The following DRD3 variants were observed in gnomAD, a reference collection of about 807,000 sequenced individuals.
DRD3 encodes the protein dopamine receptor D3, also known as D(3) dopamine receptor.
DRD3 carries 19 observed loss-of-function variants against 36.3 expected under a neutral mutation model. The observed-to-expected ratio is 0.52, with a 90% CI of 0.36 to 0.77. The LOEUF (loss-of-function observed/expected upper bound fraction) is 0.77. Among genes scored for constraint, DRD3 ranks in the 30% least tolerant of loss-of-function variants. The probability of loss-of-function intolerance (pLI) is 0.00; values close to 1 mark genes in which losing one functional copy is unlikely to be tolerated. For synonymous variants in DRD3, 195 were observed against 203.7 expected (o/e 0.96, Z 0.36); for missense variants, 465 against 505.3 (o/e 0.92, Z 0.77).
intron 3 of DRD3, among the ~76,000 whole-genome samples, chr3:114,150,265 G>A (rs1208679629): frequency 1.3e-5 from 2 of 152,152 alleles, no homozygotes; most frequent in African/African-American, 2.4e-5. Context: ...TCCTCCCTGG[G>A]CAACTCAATC....
chr3:114,139,823 A>G lies in DRD3; in HGVS notation c.527-127T>C. The G allele has an allele frequency of 8.8e-6, 7 of 793,884 alleles. No individual in the cohort carries two copies. In the South Asian group the frequency reaches 9.2e-5, roughly 10 times the overall value. The allele number at this position is 793,884 out of a possible 1,614,324, so 49.2% of individuals were successfully genotyped here. On this transcript the variant is annotated intron_variant, in intron 4 of 6. Transcript: ENST00000383673. The stretch of plus-strand genomic sequence containing the variant: ...GCTGCACAGGGGGTGGGAAGGATGC[A>G]GTCTCAGATACGTATACTGTCAGGT...
intron 1 of DRD3, among the ~76,000 whole-genome samples, chr3:114,198,737 A>G (rs2078049853): frequency 6.6e-6 from 1 of 152,130 alleles, no homozygotes; most frequent in South Asian, 2.1e-4. Flanking sequence ...AAACATATAA[A>G]TATGTTTTTG....
intron 1 of DRD3, among the ~76,000 whole-genome samples, chr3:114,191,628 G>GC (rs2078011117): frequency 6.6e-6 from 1 of 152,214 alleles, no homozygotes; most frequent in Non-Finnish European, 1.5e-5. Flanking sequence ...TACAGCAGGA[G>GC]CAAGCCAGGG....
chr3:114,131,511 G>T (rs1199544418), intron 5 of DRD3, 111 bp from the exon 6 acceptor site: 2 of 1,397,286 alleles, frequency 1.4e-6, no homozygotes, highest in Non-Finnish European at 1.9e-6. Context: ...ACACAGTTGT[G>T]GGAAACCTAC....
At chr3:114,140,811 C>A (rs1183951014) in intron 4 of DRD3, among the ~76,000 whole-genome samples, 1 of 152,216 alleles carries the variant, frequency 6.6e-6, no homozygotes, top group African/African-American at 2.4e-5. Flanking sequence ...CCCGGCCAGT[C>A]TTCATAAAGG....
chr3:114,176,533 A>C (rs1346122902), intron 1 of DRD3, among the ~76,000 whole-genome samples: 1 of 152,126 alleles, frequency 6.6e-6, no homozygotes, highest in Non-Finnish European at 1.5e-5. Flanking sequence ...TGAGTCCAGG[A>C]GTTAGAGGCT....
intron 1 of DRD3, among the ~76,000 whole-genome samples, chr3:114,197,736 G>A (rs1001938218): frequency 1.2e-4 from 19 of 152,102 alleles, no homozygotes; most frequent in Admixed American, 3.9e-4. Flanking sequence ...CAACTTCATC[G>A]AAAATGAGTG....
At chr3:114,194,920 AGTC>A (rs2078029427) in intron 1 of DRD3, among the ~76,000 whole-genome samples, 1 of 151,684 alleles carries the variant, frequency 6.6e-6, no homozygotes, top group Admixed American at 6.6e-5. Context: ...TGCTTTTCTT[AGTC>A]ATCAACAGTG....
chr3:114,154,671 T>A (rs997482458), intron 3 of DRD3, among the ~76,000 whole-genome samples: 23 of 152,218 alleles, frequency 1.5e-4, no homozygotes, highest in Non-Finnish European at 4.4e-5. Context: ...GTACCTATTG[T>A]GCTCGCTGCA....
At position 114,171,962 on chromosome 3, in the gene DRD3, G is replaced by A; in HGVS notation, c.31C>T (p.Leu11=). The A allele has an allele frequency of 6.5e-7, 1 of 1,533,510 alleles. No homozygotes were observed. Among genetic ancestry groups the A allele is most frequent in the Non-Finnish European group, 8.8e-7 (1 of 1,136,572 alleles). 95.0% of individuals were successfully genotyped at this position (1,533,510 alleles called of 1,614,324 possible). A position where few individuals can be genotyped will look rare whatever the true frequency, so the allele number is the denominator to read the frequency against. Residue 11 remains leucine, a synonymous_variant, in exon 2 of 7, where the codon CTG becomes TTG. Coordinates refer to ENST00000383673, the MANE Select transcript of DRD3 (RefSeq NM_000796.6). ...TTCTCTGCCCCACAGGTGTAGTTCA[G>A]GTGGCCACTCAGCTGGCTCAGAGAT... MASLSQLSGH[L]NYTCGAENST...
chr3:114,129,015 G>A (rs2077402923), intron 6 of DRD3, 103 bp from the exon 7 acceptor site: 2 of 1,314,138 alleles, frequency 1.5e-6, no homozygotes, highest in Non-Finnish European at 2.1e-6. Context: ...CAGCCACTAA[G>A]CTGGAAGTTT....
At chr3:114,165,956 TGGTAGACCCGA>T (rs1466328761) in intron 2 of DRD3, among the ~76,000 whole-genome samples, 2 of 151,416 alleles carry the variant, frequency 1.3e-5, no homozygotes, top group Non-Finnish European at 2.9e-5. Context: ...AATGCTGGTT[TGGTAGACCCGA>T]GGTAGACCCA....
chr3:114,193,738 C>G (rs183553903), intron 1 of DRD3, among the ~76,000 whole-genome samples: 33 of 152,108 alleles, frequency 2.2e-4, no homozygotes, highest in African/African-American at 7.7e-4. Context: ...TAGATTCCTT[C>G]CTACATTAAA....
intron 5 of DRD3, among the ~76,000 whole-genome samples, 155 bp downstream of exon 5, chr3:114,139,345 C>T (rs1489938710): frequency 6.6e-6 from 1 of 152,194 alleles, no homozygotes; most frequent in Non-Finnish European, 1.5e-5. Flanking sequence ...GGATTTCCTA[C>T]CTTCAAAGCG....
chr3:114,176,215 T>C (rs576304365), intron 1 of DRD3: 1 of 152,334 alleles, frequency 6.6e-6, no homozygotes, highest in Admixed American at 6.5e-5. Context: ...CAAATGAAGA[T>C]GAAGACAACT....
chr3:114,187,950 T>A (rs1052829469), intron 1 of DRD3, among the ~76,000 whole-genome samples: 1 of 152,144 alleles, frequency 6.6e-6, no homozygotes, highest in African/African-American at 2.4e-5. Flanking sequence ...AATGAGACAC[T>A]AGATAATTCA....
In DRD3 at chr3:114,128,727, G is replaced by A. The variant is rs2077398847; in HGVS notation, c.1192C>T (p.Leu398=). 6.2e-7 allele frequency: 1 copy of A among 1,600,660 alleles called. No individual in the cohort carries two copies. Among genetic ancestry groups the A allele is most frequent in the Non-Finnish European group, 8.5e-7 (1 of 1,172,644 alleles). Residue 398 remains leucine (L), a synonymous_variant, in exon 7 of 7, where the codon CTG becomes TTG. Coordinates refer to ENST00000383673, the MANE Select transcript of DRD3 (RefSeq NM_000796.6). ...CCTCTTCTGCTCCCTCAGCAAGACA[G>A]GATCTTGAGGAAGGCTTTCCGGAAC... ...IEFRKAFLKI[L]SC is the part of the protein sequence containing the mutation.
At chr3:114,157,694 A>G (rs1295637687) in intron 3 of DRD3, among the ~76,000 whole-genome samples, 2 of 152,224 alleles carry the variant, frequency 1.3e-5, no homozygotes, top group Admixed American at 1.3e-4. Flanking sequence ...CTGCAAACCA[A>G]TCAGCTAATT....
intron 1 of DRD3, among the ~76,000 whole-genome samples, chr3:114,190,842 A>G (rs1226681819): frequency 6.6e-6 from 1 of 152,106 alleles, no homozygotes. Flanking sequence ...GGATATGATC[A>G]AATCCAAATG....
Sources: gnomAD v4.1 joint callset for allele counts (sites outside exome capture counted in the v4.1 genomes callset) on GRCh38, gnomAD v4.1.1 for gene constraint, MANE v1.5 for transcripts, NCBI Gene and HGNC (gene_info 2026-07-23, HGNC 2026-07-21) for gene names.